ADK: variants seen among roughly 807,000 people sequenced by gnomAD.
ADK encodes adenosine kinase, also known as N6,N6-dimethyladenosine kinase.
A neutral mutation model predicts 44.7 loss-of-function variants in ADK; 24 were observed. That is an observed-to-expected ratio of 0.54 (90% CI 0.39 to 0.76). ADK has a LOEUF of 0.76. Among genes scored for constraint, ADK ranks in the 30% least tolerant of loss-of-function variants. ADK has a pLI of 0.00. For missense variants in ADK, 321 were observed against 425.1 expected, an observed-to-expected ratio of 0.76 and a Z score of 2.15; for synonymous variants, 128 against 142.6, an observed-to-expected ratio of 0.90 and a Z score of 0.73.
At chr10:74,525,611 A>G (rs769751203) in intron 7 of ADK, among the ~76,000 whole-genome samples, 185 bp downstream of exon 7, 1 of 152,188 alleles carries the variant, frequency 6.6e-6, no homozygotes, top group East Asian at 1.9e-4. Flanking sequence ...TTCCTTCAGT[A>G]TATACTAACT....
At chr10:74,188,500 C>T (rs1323536012) in intron 1 of ADK, among the ~76,000 whole-genome samples, 1 of 151,692 alleles carries the variant, frequency 6.6e-6, no homozygotes, top group Non-Finnish European at 1.5e-5. Flanking sequence ...CGGCACCCGC[C>T]ACCACACCCG....
intron 7 of ADK, among the ~76,000 whole-genome samples, chr10:74,575,958 G>A (rs1851169728): frequency 6.6e-6 from 1 of 152,080 alleles, no homozygotes; most frequent in Non-Finnish European, 1.5e-5. Flanking sequence ...TAGGATTTAT[G>A]CATATAAAAT....
At chr10:74,545,155 A>T (rs1468634509) in intron 7 of ADK, among the ~76,000 whole-genome samples, 5 of 152,164 alleles carry the variant, frequency 3.3e-5, no homozygotes. Flanking sequence ...CTTAAATTTG[A>T]CCACAATTTA....
At chr10:74,281,462 A>T (rs895860106) in intron 3 of ADK, among the ~76,000 whole-genome samples, 2 of 152,214 alleles carry the variant, frequency 1.3e-5, no homozygotes, top group Non-Finnish European at 1.5e-5. Context: ...TTAAATTGTT[A>T]CTTGCAACTA....
At chr10:74,588,357 G>T (rs1589275186) in intron 7 of ADK, among the ~76,000 whole-genome samples, 2 of 151,856 alleles carry the variant, frequency 1.3e-5, no homozygotes, top group Non-Finnish European at 2.9e-5. Flanking sequence ...AACCAATTAA[G>T]GTTTATACAT....
intron 4 of ADK, among the ~76,000 whole-genome samples, chr10:74,348,670 G>C (rs967504518): frequency 3.2e-4 from 48 of 151,448 alleles, no homozygotes; most frequent in Non-Finnish European, 5.3e-4. Flanking sequence ...CTTGATAAAA[G>C]GTTATAGGAA....
chr10:74,501,602 A>G (rs1176941138), intron 6 of ADK, among the ~76,000 whole-genome samples: 1 of 152,160 alleles, frequency 6.6e-6, no homozygotes, highest in African/African-American at 2.4e-5. Flanking sequence ...ATTGTTATGG[A>G]AACAACCCAA....
chr10:74,177,947 T>TATATA (rs1564574369), intron 1 of ADK, among the ~76,000 whole-genome samples: 270 of 60,302 alleles, frequency 4.5e-3, no homozygotes, highest in African/African-American at 0.014. Context: ...ATATATATAT[T>TATATA]TTTTTTTTTT....
At chr10:74,151,373 T>C in intron 1 of ADK, 30 bp downstream of exon 1, 3 of 1,548,642 alleles carry the variant, frequency 1.9e-6, no homozygotes, top group East Asian at 4.9e-5. Flanking sequence ...GGGAGGAGGG[T>C]GACGGCGCTG....
intron 6 of ADK, among the ~76,000 whole-genome samples, chr10:74,424,878 C>G (rs1422431783): frequency 6.6e-6 from 1 of 152,092 alleles, no homozygotes; most frequent in Non-Finnish European, 1.5e-5. Flanking sequence ...TTTACTTTAT[C>G]ATTTTGATAA....
chr10:74,696,151 G>A (rs1856192326), intron 10 of ADK, among the ~76,000 whole-genome samples: 4 of 151,816 alleles, frequency 2.6e-5, no homozygotes, highest in Admixed American at 2.6e-4. Flanking sequence ...CAACCGAATA[G>A]CTAGGATTGC....
intron 3 of ADK, among the ~76,000 whole-genome samples, chr10:74,237,451 G>C (rs7905536): frequency 0.21 from 31,548 of 152,026 alleles, 4,438 homozygotes; most frequent in African/African-American, 0.4. Flanking sequence ...GTCTTGAAGC[G>C]CTCAAAGTCA....
intron 4 of ADK, among the ~76,000 whole-genome samples, chr10:74,372,992 A>G (rs1459264537): frequency 1.3e-5 from 2 of 152,198 alleles, no homozygotes; most frequent in Non-Finnish European, 2.9e-5. Context: ...AGACATATCT[A>G]TTAATGGTAT....
At chr10:74,624,207 C>CACATCATTT (rs1853100684) in intron 9 of ADK, among the ~76,000 whole-genome samples, 1 of 151,772 alleles carries the variant, frequency 6.6e-6, no homozygotes, top group Non-Finnish European at 1.5e-5. Context: ...CTCTAGAACT[C>CACATCATTT]ACATCATTTT....
chr10:74,179,985 G>A (rs1842474358), intron 1 of ADK, among the ~76,000 whole-genome samples: 1 of 152,008 alleles, frequency 6.6e-6, no homozygotes, highest in Non-Finnish European at 1.5e-5. Context: ...CCCTTTTACT[G>A]ATAAGCTGAA....
chr10:74,484,814 A>G (rs1303235675), intron 6 of ADK, among the ~76,000 whole-genome samples: 1 of 152,310 alleles, frequency 6.6e-6, no homozygotes, highest in Non-Finnish European at 1.5e-5. Flanking sequence ...TATTCAATAA[A>G]TGGTGCTGCG....
intron 1 of ADK, among the ~76,000 whole-genome samples, chr10:74,172,041 G>A (rs1012185647): frequency 1.3e-5 from 2 of 151,686 alleles, no homozygotes; most frequent in African/African-American, 4.8e-5. Context: ...CTGCTGACAC[G>A]ACTGGTACTT....
At position 74,708,442 on chromosome 10, in the gene ADK, C is replaced by A; in HGVS notation, c.1086C>A (p.His362Gln). 1.2e-6 allele frequency: 2 copies of A among 1,611,046 alleles called. No homozygotes were observed. The highest frequency in any genetic ancestry group is 1.7e-6 in the Non-Finnish European group (2 of 1,179,138). ...CCTTTCCTGAGAAGCCAGACTTCCA[C>A]TGATGGAAGAGCTGAAAACACAAGC... is the stretch of plus-strand genomic sequence containing the variant. ...GCTFPEKPDF[H>Q] The change falls in exon 11 of 11, where the codon CAC becomes CAA. Residue 362 changes from histidine (H) to glutamine (Q), a missense_variant. His to Gln is a conservative substitution (Grantham distance 24, BLOSUM62 0). Transcript: ENST00000539909.
intron 4 of ADK, chr10:74,371,577 G>A: frequency 8.2e-7 from 1 of 1,215,776 alleles, no homozygotes; most frequent in Non-Finnish European, 1.2e-6. Flanking sequence ...GGAGGAGGAT[G>A]TCCTTAAGTT....
Sources: allele counts gnomAD v4.1 joint callset (sites outside exome capture counted in the v4.1 genomes callset), GRCh38; gene constraint gnomAD v4.1.1; transcripts MANE v1.5; gene names NCBI Gene and HGNC (gene_info 2026-07-23, HGNC 2026-07-21).